Variants in DLGAP2 observed in about 807,000 individuals in gnomAD.
DLGAP2 encodes the protein DLG associated protein 2.
In DLGAP2, 26 loss-of-function variants were observed where a neutral mutation model predicts 100.3. The observed-to-expected ratio is 0.26, with a 90% confidence interval of 0.19 to 0.36. The LOEUF is 0.36. Among genes scored for constraint, DLGAP2 ranks in the 10% least tolerant of loss-of-function variants. DLGAP2 has a pLI of 1.00. For missense variants in DLGAP2, 1,858 were observed against 1,453.2 expected, an observed-to-expected ratio of 1.28 and a Z score of -4.53; for synonymous variants, 886 against 630.1, an observed-to-expected ratio of 1.41 and a Z score of -6.08.
chr8:1,516,391 ATGAGTGGGTGACTGAGTGAAAGAG>A (rs1483300346), intron 4 of DLGAP2, among the ~76,000 whole-genome samples: 2 of 148,394 alleles, frequency 1.3e-5, no homozygotes, highest in Admixed American at 1.3e-4. Context: ...GACTGAGTGA[ATGAGTGGGTGACTGAGTGAAAGAG>A]TGAGTGACTG....
chr8:1,110,393 G>A (rs1240680205), intron 2 of DLGAP2, among the ~76,000 whole-genome samples: 2 of 148,974 alleles, frequency 1.3e-5, no homozygotes, highest in Non-Finnish European at 3.0e-5. Context: ...GAGTATGCTG[G>A]ATCTGTGAGG....
intron 4 of DLGAP2, 141 bp downstream of exon 4, chr8:1,501,572 C>T (rs999251450): frequency 1.9e-5 from 16 of 838,940 alleles, no homozygotes; most frequent in Admixed American, 1.7e-4. Context: ...AAGTACAATG[C>T]GGCACTTTTT....
chr8:901,247 G>A (rs1364378177), intron 1 of DLGAP2, among the ~76,000 whole-genome samples: 3 of 152,154 alleles, frequency 2.0e-5, no homozygotes, highest in Non-Finnish European at 2.9e-5. Context: ...AGCTATGATC[G>A]CACCATTGCA....
At chr8:1,582,027 CCA>C (rs1422967106) in intron 6 of DLGAP2, among the ~76,000 whole-genome samples, 1 of 149,094 alleles carries the variant, frequency 6.7e-6, no homozygotes, top group Non-Finnish European at 1.5e-5. Context: ...AGAAAAAACC[CCA>C]CACACGTCTA....
intron 3 of DLGAP2, among the ~76,000 whole-genome samples, chr8:1,287,219 G>A (rs748542880): frequency 6.8e-6 from 1 of 146,964 alleles, no homozygotes; most frequent in Non-Finnish European, 1.5e-5. Context: ...GTGTGTGTGT[G>A]TGTGTGTATG....
chr8:1,557,379 G>A (rs919247060), intron 5 of DLGAP2, among the ~76,000 whole-genome samples: 5 of 152,148 alleles, frequency 3.3e-5, no homozygotes, highest in African/African-American at 1.2e-4. Flanking sequence ...CTGGTGAGAT[G>A]GACGTGCCGA....
intron 3 of DLGAP2, among the ~76,000 whole-genome samples, chr8:1,280,623 A>G (rs1775978056): frequency 6.6e-6 from 1 of 152,208 alleles, no homozygotes; most frequent in Non-Finnish European, 1.5e-5. Context: ...TGTTCAATGA[A>G]GAATGGGAAG....
At chr8:1,693,571 T>C (rs1367771478) in intron 13 of DLGAP2, among the ~76,000 whole-genome samples, 1 of 152,222 alleles carries the variant, frequency 6.6e-6, no homozygotes, top group African/African-American at 2.4e-5. Flanking sequence ...GGTGTTTTGA[T>C]GATGTTTTCC....
chr8:943,613 G>GGAGCTGGCATGTGGAC (rs1799246575), intron 2 of DLGAP2, among the ~76,000 whole-genome samples: 1 of 151,906 alleles, frequency 6.6e-6, no homozygotes. Flanking sequence ...ATCATGTGGA[G>GGAGCTGGCATGTGGAC]GAGCTGGCAT....
At chr8:1,629,348 A>C (rs1245343773) in intron 7 of DLGAP2, among the ~76,000 whole-genome samples, 1 of 152,202 alleles carries the variant, frequency 6.6e-6, no homozygotes. Context: ...TCCCAATGAC[A>C]AGGAAAGACC....
chr8:974,149 C>T (rs556954905), intron 2 of DLGAP2, among the ~76,000 whole-genome samples: 15 of 152,062 alleles, frequency 9.9e-5, no homozygotes, highest in South Asian at 6.3e-4. Flanking sequence ...GGTAAGACAC[C>T]AAACCATATC....
At position 776,640 on chromosome 8, in the gene DLGAP2, T is replaced by G. The variant is rs1296049440; in HGVS notation, c.18+38815T>G. ...GTCCTTCAGGAGCAGGTTGTTCAGT[T>G]TCCATGTAGCTGAGCGGTTTTGAGT... On this transcript the variant is annotated intron_variant, in intron 1 of 14. Coordinates refer to ENST00000637795, the MANE Select transcript of DLGAP2 (RefSeq NM_001346810.2). 4.6e-5 allele frequency among the ~76,000 whole-genome samples: 7 copies of G among 152,372 alleles called. No homozygotes were observed. The East Asian group carries it at 1.3e-3, about 29-fold the overall frequency.
At chr8:1,468,229 T>G (rs73534684) in intron 3 of DLGAP2, among the ~76,000 whole-genome samples, 5,774 of 144,398 alleles carry the variant, frequency 0.04, 412 homozygotes, top group African/African-American at 0.14. Flanking sequence ...CTCTGCAGCC[T>G]CGGTCGGTTC....
intron 6 of DLGAP2, among the ~76,000 whole-genome samples, chr8:1,625,801 T>A (rs1797475699): frequency 6.6e-6 from 1 of 152,274 alleles, no homozygotes; most frequent in Non-Finnish European, 1.5e-5. Flanking sequence ...AAGGCAATTT[T>A]GTAAATAGCC....
chr8:1,612,551 T>G, intron 6 of DLGAP2, among the ~76,000 whole-genome samples: 1 of 108,624 alleles, frequency 9.2e-6, no homozygotes, highest in Non-Finnish European at 1.9e-5. Context: ...GGGATCTAAT[T>G]AAACTAAAGA....
In DLGAP2 at chr8:1,548,933, C is replaced by G. The variant is rs200199242; in HGVS notation, c.480C>G (p.Thr160=). 2 of 1,598,524 alleles carry G rather than the reference C, an allele frequency of 1.3e-6. No homozygotes were observed. The highest frequency in any genetic ancestry group is 1.7e-6 in the Non-Finnish European group (2 of 1,179,236). The part of the protein sequence containing the change: ...VVLGDHVSSS[T]FPRMHYSSHY... ...TGGGCGACCACGTGTCCAGCAGCACCTTCCCGCGGATGCACTACAGCTCGC... is the reference window on the plus strand; with the variant it reads ...TGGGCGACCACGTGTCCAGCAGCACGTTCCCGCGGATGCACTACAGCTCGC... The change falls in exon 5 of 15, where the codon ACC becomes ACG. Residue 160 remains threonine, a synonymous_variant. Coordinates refer to ENST00000637795, the MANE Select transcript of DLGAP2 (RefSeq NM_001346810.2).
At chr8:950,308 C>T (rs577626372) in intron 2 of DLGAP2, among the ~76,000 whole-genome samples, 3 of 152,288 alleles carry the variant, frequency 2.0e-5, no homozygotes, top group African/African-American at 7.2e-5. Context: ...TACAATTTGA[C>T]AGGGACGCAG....
chr8:1,626,110 C>T (rs1431085443), intron 6 of DLGAP2, among the ~76,000 whole-genome samples: 3 of 143,402 alleles, frequency 2.1e-5, no homozygotes, highest in South Asian at 4.3e-4. Flanking sequence ...GTGGGTTGGA[C>T]GGCTGTTCCC....
At chr8:775,175 C>A (rs1821481201) in intron 1 of DLGAP2, among the ~76,000 whole-genome samples, 1 of 151,350 alleles carries the variant, frequency 6.6e-6, no homozygotes, top group Non-Finnish European at 1.5e-5. Flanking sequence ...TATAAGAATG[C>A]TTGTGATTTT....
Sources: allele counts gnomAD v4.1 joint callset (sites outside exome capture counted in the v4.1 genomes callset), GRCh38; gene constraint gnomAD v4.1.1; transcripts MANE v1.5; gene names NCBI Gene and HGNC (gene_info 2026-07-23, HGNC 2026-07-21).